Variants in WWOX observed in about 807,000 individuals in gnomAD.
WWOX encodes WW domain-containing oxidoreductase.
In WWOX, 69 loss-of-function variants were observed where a neutral mutation model predicts 46.2. The ratio of observed to expected loss-of-function variants is 1.49; its 90% CI spans 1.23 to 1.82. WWOX has a LOEUF of 1.82. WWOX is among the 40% of genes most tolerant of loss of function. The probability of loss-of-function intolerance (pLI) is 0.00; values close to 1 mark genes in which losing one functional copy is unlikely to be tolerated. For synonymous variants in WWOX, 359 were observed against 202.6 expected (o/e 1.77, Z -6.56); for missense variants, 919 against 542.6 (o/e 1.69, Z -6.89).
At chr16:78,163,633 G>C (rs78771683) in intron 4 of WWOX, among the ~76,000 whole-genome samples, 1 of 152,158 alleles carries the variant, frequency 6.6e-6, no homozygotes, top group Non-Finnish European at 1.5e-5. Context: ...AAACAGATAT[G>C]GGTGTGTATG....
At chr16:78,716,154 CAG>C (rs527785794) in intron 8 of WWOX, among the ~76,000 whole-genome samples, 3 of 152,026 alleles carry the variant, frequency 2.0e-5, no homozygotes, top group Admixed American at 2.0e-4. Context: ...ATTTTGGGCA[CAG>C]AGACAGAGGC....
chr16:78,262,828 C>T (rs1310980741), intron 5 of WWOX, among the ~76,000 whole-genome samples: 1 of 152,158 alleles, frequency 6.6e-6, no homozygotes, highest in Non-Finnish European at 1.5e-5. Flanking sequence ...GAGAAAAAGT[C>T]ATTCTTAGAT....
chr16:78,527,188 A>C (rs752480577), intron 8 of WWOX, among the ~76,000 whole-genome samples: 1 of 152,142 alleles, frequency 6.6e-6, no homozygotes, highest in East Asian at 1.9e-4. Context: ...GTAGGAATGA[A>C]CAGATGAACA....
In WWOX at chr16:78,266,389, G is replaced by T. The variant is rs553622732; in HGVS notation, c.516+102100G>T. 5.9e-5 allele frequency among the ~76,000 whole-genome samples: 9 copies of T among 152,322 alleles called. No homozygotes were observed. The East Asian group carries it at 1.7e-3, about 29-fold the overall frequency. On this transcript the variant is annotated intron_variant, in intron 5 of 8. Transcript: ENST00000566780. ...GCTACTTTTGCACTATGCCAGCAAA[G>T]TTGAGTAGTTGGGATGGAGACTATA...
chr16:78,930,772 G>A (rs370294016), intron 8 of WWOX, among the ~76,000 whole-genome samples: 19 of 152,162 alleles, frequency 1.2e-4, no homozygotes, highest in African/African-American at 4.1e-4. Flanking sequence ...AAGGTTCCAC[G>A]GCACCTGTGA....
At chr16:78,365,511 C>G (rs1042502474) in intron 5 of WWOX, among the ~76,000 whole-genome samples, 1 of 152,092 alleles carries the variant, frequency 6.6e-6, no homozygotes, top group Admixed American at 6.5e-5. Flanking sequence ...TCAATAATGA[C>G]AAAAAGATTC....
chr16:78,352,152 G>A (rs537919776), intron 5 of WWOX, among the ~76,000 whole-genome samples: 1 of 152,342 alleles, frequency 6.6e-6, no homozygotes, highest in East Asian at 1.9e-4. Flanking sequence ...GTGAGCATAT[G>A]CAGGCCAGAC....
intron 8 of WWOX, among the ~76,000 whole-genome samples, chr16:78,957,340 A>C (rs2046187992): frequency 6.6e-6 from 1 of 152,246 alleles, no homozygotes; most frequent in African/African-American, 2.4e-5. Context: ...GATCACAAGA[A>C]AGAATTATAT....
chr16:78,746,863 G>A (rs2049359883), intron 8 of WWOX, among the ~76,000 whole-genome samples: 1 of 152,068 alleles, frequency 6.6e-6, no homozygotes, highest in African/African-American at 2.4e-5. Flanking sequence ...GTGAACCCTT[G>A]AAATTTTGAG....
intron 8 of WWOX, among the ~76,000 whole-genome samples, chr16:78,530,602 G>C (rs1597219630): frequency 2.0e-5 from 3 of 152,132 alleles, no homozygotes; most frequent in African/African-American, 7.2e-5. Flanking sequence ...GCCGGGCCAT[G>C]GGTGGTTGTG....
chr16:78,322,201 A>G (rs2080499394), intron 5 of WWOX, among the ~76,000 whole-genome samples: 1 of 152,148 alleles, frequency 6.6e-6, no homozygotes, highest in Non-Finnish European at 1.5e-5. Context: ...AGAGCAAATG[A>G]GCCAAAATCC....
intron 8 of WWOX, among the ~76,000 whole-genome samples, chr16:78,915,516 G>C (rs1437736190): frequency 6.6e-6 from 1 of 152,116 alleles, no homozygotes; most frequent in Admixed American, 6.5e-5. Context: ...GTCGCATGCA[G>C]ATCAATGAGC....
intron 8 of WWOX, among the ~76,000 whole-genome samples, chr16:78,501,693 T>A (rs1475581642): frequency 6.6e-6 from 1 of 152,082 alleles, no homozygotes; most frequent in Non-Finnish European, 1.5e-5. Context: ...TCCGCCACCA[T>A]GCTTGGGTAA....
At chr16:78,845,452 G>A (rs1455790045) in intron 8 of WWOX, among the ~76,000 whole-genome samples, 1 of 152,096 alleles carries the variant, frequency 6.6e-6, no homozygotes, top group African/African-American at 2.4e-5. Flanking sequence ...TGTCAAATAT[G>A]TCCTTATGGC....
chr16:78,695,854 C>T (rs776547385), intron 8 of WWOX, among the ~76,000 whole-genome samples: 2 of 152,186 alleles, frequency 1.3e-5, no homozygotes, highest in Admixed American at 6.5e-5. Flanking sequence ...TGTGGAAGGA[C>T]AGATGTCATT....
At chr16:78,371,373 A>G (rs1360323001) in intron 5 of WWOX, among the ~76,000 whole-genome samples, 1 of 152,234 alleles carries the variant, frequency 6.6e-6, no homozygotes, top group Non-Finnish European at 1.5e-5. Context: ...AATTTGAAGT[A>G]TGTTGAAACT....
intron 8 of WWOX, among the ~76,000 whole-genome samples, chr16:78,658,525 G>T (rs2047133093): frequency 6.6e-6 from 1 of 152,162 alleles, no homozygotes; most frequent in Non-Finnish European, 1.5e-5. Flanking sequence ...CGAGGTGTTG[G>T]CAGAGTTGGT....
intron 1 of WWOX, 113 bp from the exon 2 acceptor site, chr16:78,108,310 C>T (rs1004147409): frequency 6.7e-6 from 7 of 1,050,556 alleles, no homozygotes; most frequent in African/African-American, 4.8e-5. Context: ...CCTTCTTCCC[C>T]CTACTTCCTT....
chr16:78,614,278 AT>A (rs2045968371), intron 8 of WWOX, among the ~76,000 whole-genome samples: 1 of 152,224 alleles, frequency 6.6e-6, no homozygotes, highest in Admixed American at 6.5e-5. Context: ...GGCAGTATAG[AT>A]AAATAGATGC....
Sources: gnomAD v4.1 joint callset for allele counts (sites outside exome capture counted in the v4.1 genomes callset) on GRCh38, gnomAD v4.1.1 for gene constraint, MANE v1.5 for transcripts, NCBI Gene and HGNC (gene_info 2026-07-23, HGNC 2026-07-21) for gene names.